TMEM213: variants seen among roughly 807,000 people sequenced by gnomAD.
TMEM213 encodes transmembrane protein 213.
In TMEM213, 7 loss-of-function variants were observed where a neutral mutation model predicts 11.6. The ratio of observed to expected loss-of-function variants is 0.60; its 90% CI spans 0.34 to 1.13. The LOEUF is 1.13. Among genes scored for constraint, TMEM213 ranks in the 50% most tolerant of loss-of-function variants. The pLI, the probability that TMEM213 is intolerant of heterozygous loss-of-function variation, is 0.03. For synonymous variants in TMEM213, 60 were observed against 58.3 expected, an observed-to-expected ratio of 1.03 and a Z score of -0.13; for missense variants, 129 against 139.0, an observed-to-expected ratio of 0.93 and a Z score of 0.36.
chr7:138,802,105 G>T (rs1178646661), intron 2 of TMEM213, among the ~76,000 whole-genome samples: 4 of 152,082 alleles, frequency 2.6e-5, no homozygotes. Context: ...GGCAGAGGTT[G>T]CTGTGAGCCG....
intron 2 of TMEM213, 63 bp from the exon 3 acceptor site, chr7:138,802,837 G>A: frequency 1.4e-6 from 2 of 1,475,822 alleles, no homozygotes; most frequent in Non-Finnish European, 1.8e-6. Flanking sequence ...AATATTAATG[G>A]TAGAGAAGCC....
rs1809054320 is a variant in TMEM213 at position 138,805,094 on chromosome 7, T to C, written c.*2025T>C. 6.6e-6 allele frequency: 1 copy of C among 152,122 alleles called. No individual in the cohort carries two copies. The highest frequency in any genetic ancestry group is 1.5e-5 in the Non-Finnish European group (1 of 68,018). The allele number at this position is 152,122 out of a possible 1,614,324, so 9.4% of individuals were successfully genotyped here. A position where few individuals can be genotyped will look rare whatever the true frequency, so the allele number is the denominator to read the frequency against. ...GATTGCCTGGTTCATCTTGTAGTCT[T>C]CCAAAACAGCAGATAATTTCTGAAT... On this transcript the variant is annotated 3_prime_UTR_variant, in exon 3 of 3. Coordinates refer to ENST00000442682, the MANE Select transcript of TMEM213 (RefSeq NM_001085429.2).
intron 2 of TMEM213, 64 bp downstream of exon 2, chr7:138,801,462 G>A (rs1265127322): frequency 4.8e-6 from 7 of 1,465,678 alleles, no homozygotes; most frequent in Non-Finnish European, 6.6e-6. Context: ...GGGAAACAAA[G>A]GCCTCCCCGC....
rs1809043943 is a variant in TMEM213 at position 138,804,513 on chromosome 7, C to G, written c.*1444C>G. ...AGCTGGTGCTGTTAGAGCACTTCTGCTCTGCCCTGATGTGCAGTTGTTGTG... is the reference window on the plus strand; with the variant it reads ...AGCTGGTGCTGTTAGAGCACTTCTGGTCTGCCCTGATGTGCAGTTGTTGTG... On this transcript the variant is annotated 3_prime_UTR_variant, in exon 3 of 3. Coordinates refer to ENST00000442682, the MANE Select transcript of TMEM213 (RefSeq NM_001085429.2). 1 of 152,350 alleles carries G rather than the reference C, an allele frequency of 6.6e-6. No homozygotes were observed. 9.4% of individuals were successfully genotyped at this position (152,350 alleles called of 1,614,324 possible).
intron 2 of TMEM213, among the ~76,000 whole-genome samples, chr7:138,802,560 A>AG (rs1289973393): frequency 7.5e-6 from 1 of 133,052 alleles, no homozygotes; most frequent in Non-Finnish European, 1.5e-5. Context: ...CAAAAAGAAA[A>AG]AAAAAAAAAA....
At chr7:138,802,432 T>A (rs975911172) in intron 2 of TMEM213, among the ~76,000 whole-genome samples, 1 of 151,782 alleles carries the variant, frequency 6.6e-6, no homozygotes, top group Non-Finnish European at 1.5e-5. Context: ...GTGCCTGTAA[T>A]CCCAGCTACT....
chr7:138,798,065 A>C lies in TMEM213; in HGVS notation c.-40A>C, dbSNP rs1297384917. 3.2e-6 allele frequency: 5 copies of C among 1,569,190 alleles called. No individual in the cohort carries two copies. Among genetic ancestry groups the C allele is most frequent in the African/African-American group, 2.7e-5 (2 of 73,782 alleles). On this transcript the variant is annotated 5_prime_UTR_variant, in exon 1 of 3. Coordinates refer to ENST00000442682, the MANE Select transcript of TMEM213 (RefSeq NM_001085429.2). ...CAGGCACTCGGCACAACTCCGCAGG[A>C]CCGGCTCACCTGCACCGGGCACTCA...
chr7:138,802,777 C>T (rs1307911654), intron 2 of TMEM213, 123 bp from the exon 3 acceptor site: 3 of 1,013,666 alleles, frequency 3.0e-6, no homozygotes, highest in Non-Finnish European at 4.1e-6. Flanking sequence ...CAGTGCATGG[C>T]ACGTAGTAGG....
chr7:138,800,789 T>C (rs1167804147), intron 1 of TMEM213, among the ~76,000 whole-genome samples: 1 of 149,868 alleles, frequency 6.7e-6, no homozygotes, highest in Non-Finnish European at 1.5e-5. Flanking sequence ...AACCTCCGCC[T>C]CCTGGGTTCA....
chr7:138,801,463 G>T lies in TMEM213; in HGVS notation c.154+65G>T, dbSNP rs187899061. 3.4e-6 allele frequency: 5 copies of T among 1,456,460 alleles called. No individual in the cohort carries two copies. The African/African-American group carries it at 7.0e-5, about 20-fold the overall frequency. 90.2% of individuals were successfully genotyped at this position (1,456,460 alleles called of 1,614,324 possible). On this transcript the variant is annotated intron_variant, in intron 2 of 2. Transcript: ENST00000442682. ...CCCTCAGCCTGGGAGGGAAACAAAG[G>T]CCTCCCCGCTTTCCGTTGATTGGTG...
chr7:138,805,794 C>T lies in TMEM213; in HGVS notation c.*2725C>T, dbSNP rs536184913. 9.2e-5 allele frequency: 14 copies of T among 152,132 alleles called. 1 individual carries two copies. In the South Asian group the frequency reaches 2.9e-3, roughly 32 times the overall value. 9.4% of individuals were successfully genotyped at this position (152,132 alleles called of 1,614,324 possible). On this transcript the variant is annotated 3_prime_UTR_variant, in exon 3 of 3. Coordinates refer to ENST00000442682, the MANE Select transcript of TMEM213 (RefSeq NM_001085429.2). ...AACCATTTCAGTCGCTTCATGGAAT[C>T]GGGGTAGGCATGAGGCCCGTTGTTC... is the stretch of plus-strand genomic sequence containing the variant.
At chr7:138,799,670 G>A (rs1459724660) in intron 1 of TMEM213, 1 of 152,182 alleles carries the variant, frequency 6.6e-6, no homozygotes, top group African/African-American at 2.4e-5. Context: ...TGAAATGAAA[G>A]TCAGGGCCAA....
chr7:138,798,719 TC>T (rs1808817601), intron 1 of TMEM213, among the ~76,000 whole-genome samples: 2 of 152,022 alleles, frequency 1.3e-5, no homozygotes, highest in Non-Finnish European at 1.5e-5. Flanking sequence ...CCCTCCTGCC[TC>T]CCCGGGCACT....
At chr7:138,802,246 T>G (rs901736059) in intron 2 of TMEM213, among the ~76,000 whole-genome samples, 5 of 151,812 alleles carry the variant, frequency 3.3e-5, no homozygotes, top group African/African-American at 1.2e-4. Flanking sequence ...TGCATTAACT[T>G]AGGCACTTAA....
Position 138,798,415 on chromosome 7 carries a change from A to T in TMEM213, c.82+229A>T, listed in dbSNP as rs958556947. On this transcript the variant is annotated intron_variant, in intron 1 of 2. Transcript: ENST00000442682. Reference sequence around the variant, plus strand: ...GCCTGAGACGGAGATCAGATACTCAATTCCTCAGCTAAGGCAGGAGCAGCC... The same window carrying T: ...GCCTGAGACGGAGATCAGATACTCATTTCCTCAGCTAAGGCAGGAGCAGCC... 18 of 553,956 alleles carry T rather than the reference A, an allele frequency of 3.2e-5. No individual in the cohort carries two copies. The African/African-American group carries it at 3.4e-4, about 11-fold the overall frequency. 34.3% of individuals were successfully genotyped at this position (553,956 alleles called of 1,614,324 possible). A position where few individuals can be genotyped will look rare whatever the true frequency, so the allele number is the denominator to read the frequency against.
chr7:138,801,578 G>A, intron 2 of TMEM213, 180 bp downstream of exon 2: 3 of 613,780 alleles, frequency 4.9e-6, no homozygotes, highest in Non-Finnish European at 8.6e-6. Context: ...AGGCTTTCTT[G>A]GCTCTGATCC....
rs1379168891 is a variant in TMEM213, at chr7:138,803,220, C to T, written c.*151C>T. On this transcript the variant is annotated 3_prime_UTR_variant, in exon 3 of 3. Transcript: ENST00000442682. ...AGGGAAAGAAGAAAGAGCGGGAGAACCAAATAAGGCAAGCCAGTGCTGCCC... is the reference window on the plus strand; with the variant it reads ...AGGGAAAGAAGAAAGAGCGGGAGAATCAAATAAGGCAAGCCAGTGCTGCCC... The T allele has an allele frequency of 3.8e-6, 4 of 1,054,666 alleles. No individual in the cohort carries two copies. The highest frequency in any genetic ancestry group is 5.4e-6 in the Non-Finnish European group (4 of 741,420). 65.3% of individuals were successfully genotyped at this position (1,054,666 alleles called of 1,614,324 possible). A position where few individuals can be genotyped will look rare whatever the true frequency, so the allele number is the denominator to read the frequency against.
chr7:138,798,348 G>A (rs1808798436), intron 1 of TMEM213, 162 bp downstream of exon 1: 1 of 568,842 alleles, frequency 1.8e-6, no homozygotes. Flanking sequence ...GGATTAGGCA[G>A]GGGGTGGGAG....
At chr7:138,799,294 G>A (rs1808849135) in intron 1 of TMEM213, 1 of 152,168 alleles carries the variant, frequency 6.6e-6, no homozygotes, top group African/African-American at 2.4e-5. Context: ...AAATAAGAGT[G>A]CTGAGTTTCT....
Sources: allele counts gnomAD v4.1 joint callset (sites outside exome capture counted in the v4.1 genomes callset), GRCh38; gene constraint gnomAD v4.1.1; transcripts MANE v1.5; gene names NCBI Gene and HGNC (gene_info 2026-07-23, HGNC 2026-07-21).